Variants in SNRPD1 observed in about 807,000 individuals in gnomAD.
SNRPD1 encodes small nuclear ribonucleoprotein Sm D1.
Under a neutral mutation model 14.4 loss-of-function variants are expected in SNRPD1, and 1 was observed. That is an observed-to-expected ratio of 0.07 (90% CI 0.02 to 0.33). SNRPD1 has a LOEUF of 0.33. SNRPD1 is among the 10% of genes least tolerant of loss of function. The pLI is 1.00. For missense variants in SNRPD1, 52 were observed against 146.4 expected (o/e 0.36, Z 3.33); for synonymous variants, 42 against 50.3 (o/e 0.83, Z 0.70).
chr18:21,619,245 T>A (rs1036665374), intron 1 of SNRPD1, among the ~76,000 whole-genome samples: 2 of 152,158 alleles, frequency 1.3e-5, no homozygotes, highest in African/African-American at 4.8e-5. Flanking sequence ...AGTGGTGCAG[T>A]CTTGGCTCAC....
rs1287710962 is a variant in SNRPD1 at position 21,632,555 on chromosome 18, GTGGGT to G, written c.*3418_*3422del. 2.0e-5 allele frequency: 3 copies of G among 152,046 alleles called. No homozygotes were observed. The highest frequency in any genetic ancestry group is 7.2e-5 in the African/African-American group (3 of 41,416). The allele number at this position is 152,046 out of a possible 1,614,324, so 9.4% of individuals were successfully genotyped here. ...AGTTTAAATGTAATAATAAATCACA[GTGGGT>G]ACTAGATTGAGTTTATTCCACTAGA... On this transcript the variant is annotated 3_prime_UTR_variant, in exon 4 of 4. Coordinates refer to ENST00000300413, the MANE Select transcript of SNRPD1 (RefSeq NM_006938.4).
Position 21,632,112 on chromosome 18 carries a change from C to G in SNRPD1, c.*2974C>G, listed in dbSNP as rs557553779. On this transcript the variant is annotated 3_prime_UTR_variant, in exon 4 of 4. Coordinates refer to ENST00000300413, the MANE Select transcript of SNRPD1 (RefSeq NM_006938.4). ...AGCAGCCTGGGTAACCTAGTGAGAC[C>G]TGGCTCTTAAATTTAAAATTTAAAT... is the stretch of plus-strand genomic sequence containing the variant. The G allele has an allele frequency of 4.6e-5, 7 of 152,100 alleles. No individual in the cohort carries two copies. Among genetic ancestry groups the G allele is most frequent in the Non-Finnish European group, 8.8e-5 (6 of 68,044 alleles). 9.4% of individuals were successfully genotyped at this position (152,100 alleles called of 1,614,324 possible). A position where few individuals can be genotyped will look rare whatever the true frequency, so the allele number is the denominator to read the frequency against.
Position 21,630,779 on chromosome 18 carries a change from GATATATATATGTATTT to G in SNRPD1, c.*1661_*1676del, listed in dbSNP as rs2039076148. The G allele has an allele frequency of 1.4e-5, 2 of 146,934 alleles. No homozygotes were observed. The highest frequency in any genetic ancestry group is 3.0e-5 in the Non-Finnish European group (2 of 67,002). The allele number at this position is 146,934 out of a possible 1,614,324, so 9.1% of individuals were successfully genotyped here. A position where few individuals can be genotyped will look rare whatever the true frequency, so the allele number is the denominator to read the frequency against. ...CGTCTCAAAAAAAAATCGAGAGAGAGATATATATATGTATTTATATATATATGTATTTATACTAATA... is the reference window on the plus strand; with the variant it reads ...CGTCTCAAAAAAAAATCGAGAGAGAGATATATATATGTATTTATACTAATA... On this transcript the variant is annotated 3_prime_UTR_variant, in exon 4 of 4. Transcript: ENST00000300413.
chr18:21,627,461 A>G (rs1477940864), intron 3 of SNRPD1, among the ~76,000 whole-genome samples: 1 of 115,276 alleles, frequency 8.7e-6, no homozygotes, highest in Non-Finnish European at 1.7e-5. Context: ...TTTTTTTGAG[A>G]CAGAGTCATG....
At chr18:21,627,838 A>G (rs1380978697) in intron 3 of SNRPD1, among the ~76,000 whole-genome samples, 2 of 152,096 alleles carry the variant, frequency 1.3e-5, no homozygotes, top group Non-Finnish European at 1.5e-5. Flanking sequence ...CCTTTCTCAC[A>G]TTTCTCTGAT....
rs191738518 is a variant in SNRPD1, at chr18:21,629,178, T to G, written c.*40T>G. On this transcript the variant is annotated 3_prime_UTR_variant, in exon 4 of 4. Transcript: ENST00000300413. ...TCAAAGTCATATGAGATTTGGGATA[T>G]TTTTTGTACAGGTTGTGTTTGTTTA... The G allele has an allele frequency of 1.5e-5, 21 of 1,440,488 alleles. No homozygotes were observed. In the East Asian group the frequency reaches 4.3e-4, roughly 30 times the overall value. The allele number at this position is 1,440,488 out of a possible 1,614,324, so 89.2% of individuals were successfully genotyped here.
chr18:21,627,727 C>G (rs1026420705), intron 3 of SNRPD1, among the ~76,000 whole-genome samples: 8 of 151,952 alleles, frequency 5.3e-5, no homozygotes, highest in Non-Finnish European at 1.2e-4. Flanking sequence ...CAAGGAATTC[C>G]CATACACTTT....
At chr18:21,626,172 C>T (rs953027293) in intron 3 of SNRPD1, among the ~76,000 whole-genome samples, 2 of 151,524 alleles carry the variant, frequency 1.3e-5, no homozygotes, top group Admixed American at 6.6e-5. Flanking sequence ...GCGGGCAGAT[C>T]GCCTGAACTC....
chr18:21,613,652 C>G (rs751301292), intron 1 of SNRPD1, among the ~76,000 whole-genome samples: 24 of 151,754 alleles, frequency 1.6e-4, no homozygotes, highest in Admixed American at 1.6e-3. Flanking sequence ...GTCAGGAGTT[C>G]GAGACCAGCC....
intron 3 of SNRPD1, among the ~76,000 whole-genome samples, chr18:21,626,738 A>G (rs2146262047): frequency 6.6e-6 from 1 of 151,502 alleles, no homozygotes; most frequent in Non-Finnish European, 1.5e-5. Context: ...GTGACCCGAG[A>G]TCGCACTACT....
chr18:21,622,947 T>TA, intron 2 of SNRPD1, 146 bp downstream of exon 2: 1 of 440,320 alleles, frequency 2.3e-6, no homozygotes, highest in African/African-American at 2.6e-5. Context: ...TTTTTTTTTT[T>TA]AAACAGTTTT....
chr18:21,625,736 C>T (rs1285790786), intron 3 of SNRPD1, among the ~76,000 whole-genome samples: 1 of 152,112 alleles, frequency 6.6e-6, no homozygotes, highest in Admixed American at 6.5e-5. Flanking sequence ...TCTGCCTCTC[C>T]AGTAGCTGGG....
chr18:21,618,120 C>T (rs1419160399), intron 1 of SNRPD1, among the ~76,000 whole-genome samples: 2 of 151,960 alleles, frequency 1.3e-5, no homozygotes, highest in East Asian at 3.9e-4. Flanking sequence ...ACAATATATT[C>T]TTAGTAAAAA....
rs961126659 is a variant in SNRPD1, at chr18:21,632,317, G to T, written c.*3179G>T. 6.6e-6 allele frequency: 1 copy of T among 152,092 alleles called. No individual in the cohort carries two copies. Among genetic ancestry groups the T allele is most frequent in the African/African-American group, 2.4e-5 (1 of 41,398 alleles). 9.4% of individuals were successfully genotyped at this position (152,092 alleles called of 1,614,324 possible). A position where few individuals can be genotyped will look rare whatever the true frequency, so the allele number is the denominator to read the frequency against. On this transcript the variant is annotated 3_prime_UTR_variant, in exon 4 of 4. Transcript: ENST00000300413. ...CTACTGAAAATACAAAAATTAGCTT[G>T]GTGTGGTGGCGGGTGCCTGTAATCT... is the stretch of plus-strand genomic sequence containing the variant.
intron 1 of SNRPD1, among the ~76,000 whole-genome samples, chr18:21,619,273 A>G (rs998558004): frequency 1.3e-5 from 2 of 151,932 alleles, no homozygotes; most frequent in Admixed American, 6.6e-5. Context: ...TCTGCCTCCC[A>G]GGCTCAAGCA....
intron 1 of SNRPD1, among the ~76,000 whole-genome samples, chr18:21,614,602 C>T (rs2038944278): frequency 2.0e-5 from 3 of 152,300 alleles, no homozygotes; most frequent in South Asian, 2.1e-4. Context: ...TCACCCTAAC[C>T]AAAAACCTGG....
intron 1 of SNRPD1, among the ~76,000 whole-genome samples, chr18:21,621,694 C>T (rs1233389509): frequency 1.3e-5 from 2 of 152,168 alleles, no homozygotes; most frequent in Admixed American, 6.6e-5. Context: ...TCTCCTGCCT[C>T]AGCCTTCTGA....
intron 1 of SNRPD1, among the ~76,000 whole-genome samples, chr18:21,621,540 A>T (rs1405981266): frequency 6.6e-6 from 1 of 152,046 alleles, no homozygotes; most frequent in African/African-American, 2.4e-5. Flanking sequence ...AGCTGGGATT[A>T]CAGGCGTGCG....
At chr18:21,617,929 A>T (rs1443332983) in intron 1 of SNRPD1, among the ~76,000 whole-genome samples, 1 of 152,132 alleles carries the variant, frequency 6.6e-6, no homozygotes, top group Non-Finnish European at 1.5e-5. Flanking sequence ...CAATGAGCTC[A>T]GATTGAGATT....
Sources: gnomAD v4.1 joint callset for allele counts (sites outside exome capture counted in the v4.1 genomes callset) on GRCh38, gnomAD v4.1.1 for gene constraint, MANE v1.5 for transcripts, NCBI Gene and HGNC (gene_info 2026-07-23, HGNC 2026-07-21) for gene names.